The following GRID2 variants were observed in gnomAD, a reference collection of about 807,000 sequenced individuals.
GRID2 encodes the protein glutamate receptor ionotropic, delta-2.
In GRID2, 33 loss-of-function variants were observed where a neutral mutation model predicts 114.8. That is an observed-to-expected ratio of 0.29 (90% CI 0.22 to 0.38). The LOEUF (loss-of-function observed/expected upper bound fraction) is 0.38, where lower values mean the gene tolerates loss of function less well. GRID2 is among the 10% of genes least tolerant of loss of function. The pLI is 1.00. For missense variants in GRID2, 1,184 were observed against 1,257.7 expected (o/e 0.94, Z 0.89); for synonymous variants, 505 against 449.9 (o/e 1.12, Z -1.55).
chr4:92,649,141 A>AT (rs1731801398), intron 2 of GRID2, among the ~76,000 whole-genome samples: 1 of 106,422 alleles, frequency 9.4e-6, no homozygotes, highest in Non-Finnish European at 1.8e-5. Context: ...TAACTACTAT[A>AT]CTAACTATAT....
chr4:93,695,956 CA>C (rs1345514533), intron 14 of GRID2, among the ~76,000 whole-genome samples: 1 of 152,226 alleles, frequency 6.6e-6, no homozygotes, highest in East Asian at 1.9e-4. Flanking sequence ...ACAAACATGC[CA>C]AGCCAAGCAA....
At chr4:92,826,562 C>G (rs1002750560) in intron 2 of GRID2, among the ~76,000 whole-genome samples, 2 of 151,994 alleles carry the variant, frequency 1.3e-5, no homozygotes, top group Non-Finnish European at 2.9e-5. Flanking sequence ...ACTGCATGTC[C>G]AGTATCCATA....
At chr4:93,414,685 T>TTATA (rs34416042) in intron 9 of GRID2, among the ~76,000 whole-genome samples, 101 of 140,558 alleles carry the variant, frequency 7.2e-4, no homozygotes, top group African/African-American at 1.4e-3. Context: ...ATCTGACATT[T>TTATA]TATATATATA....
At chr4:93,797,122 A>G (rs1734820139) in intron 1 of GRID2, among the ~76,000 whole-genome samples, 1 of 152,200 alleles carries the variant, frequency 6.6e-6, no homozygotes, top group African/African-American at 2.4e-5. Context: ...AAACATAGAA[A>G]AGGCTCAGCA....
intron 2 of GRID2, among the ~76,000 whole-genome samples, chr4:92,625,077 A>G (rs894504926): frequency 2.6e-5 from 4 of 151,698 alleles, no homozygotes; most frequent in African/African-American, 9.7e-5. Flanking sequence ...CTGAAAGTAT[A>G]TTTTTGTTTA....
chr4:93,600,840 A>G (rs966907556), intron 13 of GRID2, among the ~76,000 whole-genome samples: 2 of 152,218 alleles, frequency 1.3e-5, no homozygotes, highest in African/African-American at 4.8e-5. Context: ...GCAAGAAATA[A>G]TAATGAGCTA....
chr4:93,163,240 T>C (rs1737855344), intron 4 of GRID2, among the ~76,000 whole-genome samples: 1 of 150,940 alleles, frequency 6.6e-6, no homozygotes, highest in Non-Finnish European at 1.5e-5. Context: ...ATTTAATTTT[T>C]ATGTGCATTA....
intron 13 of GRID2, among the ~76,000 whole-genome samples, chr4:93,557,489 A>G (rs1734436812): frequency 6.6e-6 from 1 of 152,212 alleles, no homozygotes; most frequent in Non-Finnish European, 1.5e-5. Context: ...AAAAAGACAA[A>G]GAAAGGCATT....
chr4:92,512,770 G>GT (rs1248970429), intron 1 of GRID2, among the ~76,000 whole-genome samples: 1 of 151,816 alleles, frequency 6.6e-6, no homozygotes, highest in African/African-American at 2.4e-5. Flanking sequence ...CCTGTTAGAA[G>GT]TAAGAATGGG....
At chr4:93,650,788 AAAGCTTTAAAAAAATTCTTC>A (rs761383957) in intron 14 of GRID2, among the ~76,000 whole-genome samples, 11 of 152,130 alleles carry the variant, frequency 7.2e-5, no homozygotes, top group Non-Finnish European at 1.5e-4. Flanking sequence ...TGTTCAAAGA[AAAGCTTTAAAAAAATTCTTC>A]AAGCAGAGCT....
chr4:93,490,761 A>G lies in GRID2; in HGVS notation c.1981A>G (p.Ile661Val). ...NLAAFLTITR[I>V]ESSIQSLQDL... ...CGCTGCTTTCCTCACTATTACACGC[A>G]TTGAAAGTTCCATCCAGTAAGTAAA... is the stretch of plus-strand genomic sequence containing the variant. The change falls in exon 12 of 16, where the codon ATT becomes GTT. Residue 661 changes from isoleucine (I) to valine (V), a missense_variant. Physicochemically the swap from Ile to Val is conservative, Grantham distance 29. Transcript: ENST00000282020. The G allele has an allele frequency of 1.2e-6, 2 of 1,607,174 alleles. No individual in the cohort carries two copies. The highest frequency in any genetic ancestry group is 1.1e-5 in the South Asian group (1 of 90,246).
intron 9 of GRID2, among the ~76,000 whole-genome samples, chr4:93,412,128 G>T (rs1297856214): frequency 6.6e-6 from 1 of 150,634 alleles, no homozygotes; most frequent in Admixed American, 6.6e-5. Context: ...AAAAAAAAAA[G>T]CCCCAGGCTG....
At chr4:92,411,526 C>G (rs951905486) in intron 1 of GRID2, among the ~76,000 whole-genome samples, 5 of 151,108 alleles carry the variant, frequency 3.3e-5, no homozygotes, top group African/African-American at 9.7e-5. Flanking sequence ...AATAAATTCA[C>G]TTTTTAAACT....
rs1724705499 is a variant in GRID2, at chr4:92,520,351, T to A, written c.89-69780T>A. 3.3e-5 allele frequency among the ~76,000 whole-genome samples: 5 copies of A among 149,280 alleles called. No homozygotes were observed. In the Admixed American group the frequency reaches 3.4e-4, roughly 10 times the overall value. The stretch of plus-strand genomic sequence containing the variant: ...AAGAGAAGGAAGAAAACAAAGATAT[T>A]TTCTATACACATGAACATATTGATA... On this transcript the variant is annotated intron_variant, in intron 1 of 15. Transcript: ENST00000282020.
intron 14 of GRID2, among the ~76,000 whole-genome samples, chr4:93,661,909 C>T (rs957176776): frequency 6.6e-6 from 1 of 152,124 alleles, no homozygotes; most frequent in Non-Finnish European, 1.5e-5. Flanking sequence ...GTGACTTTCC[C>T]TCTAACTCAG....
chr4:93,183,445 G>A (rs959791092), intron 4 of GRID2, among the ~76,000 whole-genome samples: 1 of 152,158 alleles, frequency 6.6e-6, no homozygotes, highest in African/African-American at 2.4e-5. Context: ...TGTTTCACGT[G>A]TGATGAATTT....
At chr4:93,335,804 T>A (rs1181346881) in intron 8 of GRID2, among the ~76,000 whole-genome samples, 2 of 151,684 alleles carry the variant, frequency 1.3e-5, no homozygotes, top group Non-Finnish European at 2.9e-5. Flanking sequence ...GCTCAAGGGA[T>A]CCTCTCACCT....
intron 2 of GRID2, among the ~76,000 whole-genome samples, chr4:92,880,697 A>G (rs1056730060): frequency 6.6e-6 from 1 of 152,176 alleles, no homozygotes; most frequent in African/African-American, 2.4e-5. Context: ...AGAAAAAAAC[A>G]CAACAATTTG....
At chr4:92,961,488 A>T (rs760071843) in intron 2 of GRID2, among the ~76,000 whole-genome samples, 1 of 151,562 alleles carries the variant, frequency 6.6e-6, no homozygotes, top group African/African-American at 2.4e-5. Flanking sequence ...CTTAATATTA[A>T]ATATTTCATT....
Sources: allele counts gnomAD v4.1 joint callset (sites outside exome capture counted in the v4.1 genomes callset), GRCh38; gene constraint gnomAD v4.1.1; transcripts MANE v1.5; gene names NCBI Gene and HGNC (gene_info 2026-07-23, HGNC 2026-07-21).